The following ARL15 variants were observed in gnomAD, a reference collection of about 807,000 sequenced individuals.
The protein encoded by ARL15 is ARF like GTPase 15.
ARL15 carries 19 observed loss-of-function variants against 25.2 expected under a neutral mutation model. The ratio of observed to expected loss-of-function variants is 0.75; its 90% CI spans 0.53 to 1.10. ARL15 has a LOEUF of 1.10. ARL15 is among the 50% of genes least tolerant of loss of function. The pLI, the probability that ARL15 is intolerant of heterozygous loss-of-function variation, is 0.00. For missense variants in ARL15, 220 were observed against 246.0 expected, an observed-to-expected ratio of 0.89 and a Z score of 0.71; for synonymous variants, 94 against 86.8, an observed-to-expected ratio of 1.08 and a Z score of -0.46.
At chr5:54,128,191 C>T (rs2112267491) in intron 3 of ARL15, among the ~76,000 whole-genome samples, 1 of 152,282 alleles carries the variant, frequency 6.6e-6, no homozygotes, top group South Asian at 2.1e-4. Flanking sequence ...ACATTATGAC[C>T]TTGTGAAGCC....
chr5:54,269,648 A>G (rs1757727088), intron 1 of ARL15, among the ~76,000 whole-genome samples: 1 of 152,104 alleles, frequency 6.6e-6, no homozygotes, highest in South Asian at 2.1e-4. Flanking sequence ...TAATTTTTTT[A>G]TTTTTAATTT....
intron 1 of ARL15, among the ~76,000 whole-genome samples, chr5:54,226,561 A>G (rs73754498): frequency 0.014 from 2,132 of 152,346 alleles, 54 homozygotes; most frequent in African/African-American, 0.049. Flanking sequence ...AAGAAAATGG[A>G]GGAAACAGAA....
At chr5:53,894,944 C>T (rs2111912867) in intron 4 of ARL15, among the ~76,000 whole-genome samples, 1 of 152,306 alleles carries the variant, frequency 6.6e-6, no homozygotes, top group African/African-American at 2.4e-5. Context: ...CATAAATTCC[C>T]TGTAAATAAA....
intron 4 of ARL15, among the ~76,000 whole-genome samples, chr5:53,940,373 AG>A (rs1411724606): frequency 6.6e-6 from 1 of 152,238 alleles, no homozygotes; most frequent in Non-Finnish European, 1.5e-5. Flanking sequence ...GAAAGAAAAA[AG>A]AAAAACACCA....
chr5:54,200,319 A>G (rs1464774693), intron 1 of ARL15, among the ~76,000 whole-genome samples: 2 of 151,298 alleles, frequency 1.3e-5, no homozygotes, highest in African/African-American at 4.8e-5. Context: ...GAGAAAAAAA[A>G]GAAAAAAATA....
chr5:54,062,511 G>T (rs1751099674), intron 4 of ARL15, among the ~76,000 whole-genome samples: 1 of 144,106 alleles, frequency 6.9e-6, no homozygotes, highest in Admixed American at 6.9e-5. Context: ...AGATTTGGTG[G>T]TTAAGGAAAA....
At chr5:54,256,245 C>T (rs1408049928) in intron 1 of ARL15, among the ~76,000 whole-genome samples, 2 of 151,800 alleles carry the variant, frequency 1.3e-5, no homozygotes, top group Non-Finnish European at 2.9e-5. Flanking sequence ...ACTGACACCA[C>T]AGAAATACAA....
At chr5:54,033,228 G>T (rs573322931) in intron 4 of ARL15, among the ~76,000 whole-genome samples, 1 of 152,104 alleles carries the variant, frequency 6.6e-6, no homozygotes, top group African/African-American at 2.4e-5. Context: ...CAGGAGAATG[G>T]CTTGAACCTG....
chr5:54,158,770 G>C (rs988690914), intron 2 of ARL15, among the ~76,000 whole-genome samples: 3 of 152,172 alleles, frequency 2.0e-5, no homozygotes, highest in Non-Finnish European at 4.4e-5. Context: ...CTACTTGGGA[G>C]GCTGAGGCAG....
At chr5:54,269,723 G>A (rs1757730966) in intron 1 of ARL15, among the ~76,000 whole-genome samples, 2 of 152,158 alleles carry the variant, frequency 1.3e-5, no homozygotes, top group Non-Finnish European at 2.9e-5. Context: ...TCGGCCCACT[G>A]CAACCTCCAC....
Position 53,993,357 on chromosome 5 carries a change from C to T in ARL15, c.463-106644G>A, listed in dbSNP as rs534364552. On this transcript the variant is annotated intron_variant, in intron 4 of 4. Transcript: ENST00000504924. ...GGGCATGGTAGCTCGTGCCTGTAATCCTAGCCTTTGTGAGGCTGAGGCAGG... is the reference window on the plus strand; with the variant it reads ...GGGCATGGTAGCTCGTGCCTGTAATTCTAGCCTTTGTGAGGCTGAGGCAGG... 5.9e-5 allele frequency among the ~76,000 whole-genome samples: 9 copies of T among 152,196 alleles called. No individual in the cohort carries two copies. The South Asian group carries it at 1.9e-3, about 32-fold the overall frequency.
At chr5:54,032,572 G>T (rs1750026333) in intron 4 of ARL15, among the ~76,000 whole-genome samples, 1 of 149,086 alleles carries the variant, frequency 6.7e-6, no homozygotes, top group Non-Finnish European at 1.5e-5. Context: ...TCTATGTTGA[G>T]AACATATTAC....
chr5:54,010,517 C>A (rs933498333), intron 4 of ARL15, among the ~76,000 whole-genome samples: 1 of 152,100 alleles, frequency 6.6e-6, no homozygotes, highest in African/African-American at 2.4e-5. Context: ...TGGAAGGGAA[C>A]CAACATGATT....
chr5:54,165,519 G>T (rs567050935), intron 2 of ARL15, among the ~76,000 whole-genome samples: 2 of 151,486 alleles, frequency 1.3e-5, no homozygotes, highest in South Asian at 4.2e-4. Context: ...CCTTTCAGAT[G>T]CTGCTCCAAT....
intron 4 of ARL15, among the ~76,000 whole-genome samples, chr5:53,980,720 T>C (rs1409832652): frequency 6.6e-6 from 1 of 152,226 alleles, no homozygotes; most frequent in Non-Finnish European, 1.5e-5. Context: ...GATTACAGCA[T>C]TGAATCTTAT....
At chr5:54,201,890 T>A (rs1755734391) in intron 1 of ARL15, among the ~76,000 whole-genome samples, 1 of 152,008 alleles carries the variant, frequency 6.6e-6, no homozygotes. Flanking sequence ...AAACCTCAAG[T>A]CAGAAATTTA....
At chr5:54,277,578 C>T (rs1045824263) in intron 1 of ARL15, among the ~76,000 whole-genome samples, 7 of 152,048 alleles carry the variant, frequency 4.6e-5, no homozygotes. Flanking sequence ...GGTGAAACCA[C>T]GTCTCTACTA....
At chr5:54,250,571 A>G (rs1757212244) in intron 1 of ARL15, among the ~76,000 whole-genome samples, 1 of 152,180 alleles carries the variant, frequency 6.6e-6, no homozygotes, top group Non-Finnish European at 1.5e-5. Context: ...GTAGAAATGA[A>G]GGTCGCTAAG....
intron 4 of ARL15, among the ~76,000 whole-genome samples, chr5:54,011,593 C>A (rs917015969): frequency 3.3e-5 from 5 of 152,068 alleles, no homozygotes; most frequent in Non-Finnish European, 5.9e-5. Context: ...GAACATTTAA[C>A]CTAAAACAAC....
Sources: gnomAD v4.1 joint callset for allele counts (sites outside exome capture counted in the v4.1 genomes callset) on GRCh38, gnomAD v4.1.1 for gene constraint, MANE v1.5 for transcripts, NCBI Gene and HGNC (gene_info 2026-07-23, HGNC 2026-07-21) for gene names.